Variants in KIF16B observed in about 807,000 individuals in gnomAD.
The protein encoded by KIF16B is kinesin-like protein KIF16B.
A neutral mutation model predicts 156.3 loss-of-function variants in KIF16B; 98 were observed. The observed-to-expected ratio is 0.63, with a 90% CI of 0.53 to 0.74. The LOEUF (loss-of-function observed/expected upper bound fraction) is 0.74. Among genes scored for constraint, KIF16B ranks in the 30% least tolerant of loss-of-function variants. The pLI is 0.00. For missense variants in KIF16B, 1,421 were observed against 1,606.5 expected (o/e 0.88, Z 1.97); for synonymous variants, 564 against 583.7 (o/e 0.97, Z 0.49).
intron 12 of KIF16B, among the ~76,000 whole-genome samples, chr20:16,453,236 C>T (rs2067131892): frequency 6.6e-6 from 1 of 152,080 alleles, no homozygotes; most frequent in Non-Finnish European, 1.5e-5. Context: ...TACCACTGCG[C>T]TCCAGCCTGA....
At chr20:16,471,444 G>A (rs1294805886) in intron 12 of KIF16B, among the ~76,000 whole-genome samples, 10 of 152,162 alleles carry the variant, frequency 6.6e-5, no homozygotes, top group Non-Finnish European at 1.3e-4. Context: ...ATGCCCCAAT[G>A]ACATGATGGT....
At chr20:16,316,901 A>T (rs915408229) in intron 24 of KIF16B, among the ~76,000 whole-genome samples, 1 of 152,244 alleles carries the variant, frequency 6.6e-6, no homozygotes, top group Non-Finnish European at 1.5e-5. Flanking sequence ...AAGACCAAAG[A>T]AAACAACCGA....
rs753050658 is a variant in KIF16B at position 16,429,924 on chromosome 20, G to A, written c.1361C>T (p.Pro454Leu). ...GIGVVLDSEL[P>L]HLIGIDDDLL... ...GTCATCATCGATGCCAATCAAATGAGGCAGTTCAGAATCCAAAACAACTCC... is the reference window on the plus strand; with the variant it reads ...GTCATCATCGATGCCAATCAAATGAAGCAGTTCAGAATCCAAAACAACTCC... Residue 454 changes from proline to leucine, a missense_variant, in exon 13 of 26, where the codon CCT becomes CTT. Coordinates refer to ENST00000354981, the MANE Select transcript of KIF16B (RefSeq NM_024704.5). 6.2e-7 allele frequency: 1 copy of A among 1,612,892 alleles called. No individual in the cohort carries two copies. Among genetic ancestry groups the A allele is most frequent in the Admixed American group, 1.7e-5 (1 of 59,964 alleles).
intron 1 of KIF16B, among the ~76,000 whole-genome samples, chr20:16,541,064 C>CTT (rs1172980184): frequency 6.6e-6 from 1 of 152,160 alleles, no homozygotes; most frequent in Non-Finnish European, 1.5e-5. Flanking sequence ...CCTCACCTGT[C>CTT]TCAGGGCCTG....
Position 16,507,991 on chromosome 20 carries a change from C to T in KIF16B, c.666G>A (p.Arg222=). The T allele has an allele frequency of 1.2e-6, 2 of 1,614,140 alleles. No individual in the cohort carries two copies. The highest frequency in any genetic ancestry group is 1.7e-6 in the Non-Finnish European group (2 of 1,180,018). Residue 222 remains arginine (R), a synonymous_variant, in exon 7 of 26, where the codon AGG becomes AGA. Transcript: ENST00000354981. ...ACTTGATGGTGAAGATGGCATGAGA[C>T]CTGCTACTGACGTCGTTCATCCCAG... ...AATGMNDVSS[R]SHAIFTIKFT... is the part of the protein sequence containing the mutation.
chr20:16,294,777 T>G (rs2122525788), intron 25 of KIF16B, among the ~76,000 whole-genome samples: 1 of 152,288 alleles, frequency 6.6e-6, no homozygotes, highest in Admixed American at 6.5e-5. Flanking sequence ...GCCTGTGGGA[T>G]GGAACTGGGG....
rs142498282 is a variant in KIF16B at position 16,541,428 on chromosome 20, G to A, written c.48-12988C>T. ...GAGAAACTGGCACAGCCTCCACTCCGTCCCCCATGGGCTGCCAGTACGGAA... is the reference window on the plus strand; with the variant it reads ...GAGAAACTGGCACAGCCTCCACTCCATCCCCCATGGGCTGCCAGTACGGAA... On this transcript the variant is annotated intron_variant, in intron 1 of 25. Transcript: ENST00000354981. 8.4e-4 allele frequency among the ~76,000 whole-genome samples: 128 copies of A among 152,254 alleles called. 1 individual carries two copies. The Middle Eastern group carries it at 0.01, about 12-fold the overall frequency.
chr20:16,437,976 TAA>T (rs1175714230), intron 12 of KIF16B, among the ~76,000 whole-genome samples: 15 of 107,794 alleles, frequency 1.4e-4, no homozygotes, highest in Non-Finnish European at 2.8e-4. Context: ...CTACTAAAAA[TAA>T]AAAAAAATAA....
At chr20:16,345,853 A>T (rs1368548460) in intron 23 of KIF16B, among the ~76,000 whole-genome samples, 2 of 152,196 alleles carry the variant, frequency 1.3e-5, no homozygotes, top group African/African-American at 4.8e-5. Context: ...AGAACACAAT[A>T]GTCTAATGGG....
intron 12 of KIF16B, among the ~76,000 whole-genome samples, chr20:16,439,513 G>A (rs141520145): frequency 3.5e-3 from 525 of 152,134 alleles, no homozygotes; most frequent in Middle Eastern, 0.014. Context: ...GGGCTTCTCC[G>A]TGTGCTGTTT....
At chr20:16,359,161 T>TA (rs1391918572) in intron 22 of KIF16B, among the ~76,000 whole-genome samples, 1 of 152,190 alleles carries the variant, frequency 6.6e-6, no homozygotes, top group Non-Finnish European at 1.5e-5. Context: ...TGACTGGTGA[T>TA]ACGGTTTGGA....
At chr20:16,421,451 C>A (rs993570574) in intron 15 of KIF16B, among the ~76,000 whole-genome samples, 5 of 152,092 alleles carry the variant, frequency 3.3e-5, no homozygotes, top group African/African-American at 9.7e-5. Flanking sequence ...ATTCATGACT[C>A]TTTTATTTTT....
intron 20 of KIF16B, 45 bp from the exon 21 acceptor site, chr20:16,371,806 A>T (rs768869303): frequency 4.6e-6 from 6 of 1,314,934 alleles, no homozygotes; most frequent in Non-Finnish European, 5.5e-6. Context: ...TTCTAACCAC[A>T]CAGGACATTC....
At chr20:16,365,085 C>A (rs2064634194) in intron 22 of KIF16B, among the ~76,000 whole-genome samples, 1 of 152,214 alleles carries the variant, frequency 6.6e-6, no homozygotes, top group Admixed American at 6.5e-5. Flanking sequence ...CTCTGCCCTT[C>A]ATAATCATTA....
intron 12 of KIF16B, among the ~76,000 whole-genome samples, chr20:16,465,448 CA>C (rs1311763681): frequency 1.3e-5 from 2 of 152,202 alleles, no homozygotes; most frequent in African/African-American, 4.8e-5. Flanking sequence ...TCTGAAGTAC[CA>C]TGTGCAGCGA....
rs138327551 is a variant in KIF16B, at chr20:16,483,768, A to G, written c.1302+10523T>C. 8.5e-5 allele frequency among the ~76,000 whole-genome samples: 13 copies of G among 152,306 alleles called. No homozygotes were observed. In the East Asian group the frequency reaches 2.3e-3, roughly 27 times the overall value. On this transcript the variant is annotated intron_variant, in intron 12 of 25. Transcript: ENST00000354981. ...ACACACAGGCAAAAGTCACTAGTCTAGGCAAGGAGAAAACCATCTCCTTGC... is the reference window on the plus strand; with the variant it reads ...ACACACAGGCAAAAGTCACTAGTCTGGGCAAGGAGAAAACCATCTCCTTGC...
intron 1 of KIF16B, among the ~76,000 whole-genome samples, chr20:16,531,614 G>C (rs1409379051): frequency 6.6e-6 from 1 of 152,160 alleles, no homozygotes; most frequent in Non-Finnish European, 1.5e-5. Flanking sequence ...GTGTAAGTGG[G>C]AACACGCCAA....
intron 23 of KIF16B, among the ~76,000 whole-genome samples, chr20:16,350,656 G>A (rs1212591966): frequency 1.3e-5 from 2 of 151,688 alleles, no homozygotes; most frequent in African/African-American, 2.4e-5. Context: ...GCCACATCAC[G>A]AGGATGAGCA....
At chr20:16,292,505 C>T (rs938755231) in intron 25 of KIF16B, among the ~76,000 whole-genome samples, 3 of 152,094 alleles carry the variant, frequency 2.0e-5, no homozygotes, top group African/African-American at 7.2e-5. Context: ...CTCGCAAAGA[C>T]CACAGTGAGC....
Sources: gnomAD v4.1 joint callset for allele counts (sites outside exome capture counted in the v4.1 genomes callset) on GRCh38, gnomAD v4.1.1 for gene constraint, MANE v1.5 for transcripts, NCBI Gene and HGNC (gene_info 2026-07-23, HGNC 2026-07-21) for gene names.